The following NBAS variants were observed in gnomAD, a reference collection of about 807,000 sequenced individuals.
NBAS encodes the protein NAG/BC035112 fusion.
In NBAS, 219 loss-of-function variants were observed where a neutral mutation model predicts 302.5. That is an observed-to-expected ratio of 0.72 (90% confidence interval 0.65 to 0.81). The LOEUF (loss-of-function observed/expected upper bound fraction) is 0.81. Among genes scored for constraint, NBAS ranks in the 30% least tolerant of loss-of-function variants. The pLI, the probability that NBAS is intolerant of heterozygous loss-of-function variation, is 0.00. For missense variants in NBAS, 2,932 were observed against 2,841.6 expected (o/e 1.03, Z -0.72); for synonymous variants, 1,118 against 1,021.6 (o/e 1.09, Z -1.80).
intron 26 of NBAS, among the ~76,000 whole-genome samples, chr2:15,401,289 A>C (rs1003419549): frequency 6.6e-6 from 1 of 152,170 alleles, no homozygotes; most frequent in Non-Finnish European, 1.5e-5. Flanking sequence ...CATTTGCTTC[A>C]TAAGAAATAA....
At chr2:15,503,004 T>G (rs1053113984) in intron 11 of NBAS, among the ~76,000 whole-genome samples, 1 of 152,260 alleles carries the variant, frequency 6.6e-6, no homozygotes, top group Admixed American at 6.5e-5. Flanking sequence ...TTTTATTTTA[T>G]GCTTTTACTT....
chr2:14,971,659 C>T, the NBAS span, among the ~76,000 whole-genome samples: 2 of 152,204 alleles, frequency 1.3e-5, no homozygotes, highest in Non-Finnish European at 2.9e-5. Flanking sequence ...TTCTCCCCAT[C>T]ACCAATTTGA....
intron 48 of NBAS, among the ~76,000 whole-genome samples, chr2:15,196,938 T>A (rs1665651865): frequency 6.6e-6 from 1 of 152,258 alleles, no homozygotes; most frequent in South Asian, 2.1e-4. Context: ...AACCATAAAA[T>A]CACTTTATAA....
the NBAS span, among the ~76,000 whole-genome samples, chr2:15,067,448 A>G: frequency 8.4e-3 from 398 of 47,604 alleles, 35 homozygotes; most frequent in East Asian, 0.015. Context: ...AGGAGGGGAG[A>G]GGAGGGGAGA....
the NBAS span, among the ~76,000 whole-genome samples, chr2:14,860,455 A>G: frequency 6.6e-6 from 1 of 152,318 alleles, no homozygotes; most frequent in East Asian, 1.9e-4. Flanking sequence ...TGATAAATGG[A>G]TAAAGAGAAT....
At chr2:15,368,030 A>G (rs1200020149) in intron 31 of NBAS, among the ~76,000 whole-genome samples, 1 of 152,148 alleles carries the variant, frequency 6.6e-6, no homozygotes, top group Non-Finnish European at 1.5e-5. Context: ...ACATATTTAT[A>G]ATACACATAT....
intron 8 of NBAS, among the ~76,000 whole-genome samples, chr2:15,535,270 C>T (rs1257439499): frequency 1.3e-5 from 2 of 152,054 alleles, no homozygotes; most frequent in African/African-American, 4.8e-5. Flanking sequence ...GCCTGTTATC[C>T]CAGCACTTTG....
intron 17 of NBAS, 30 bp downstream of exon 17, chr2:15,468,352 A>G: frequency 6.2e-7 from 1 of 1,613,378 alleles, no homozygotes; most frequent in Non-Finnish European, 8.5e-7. Flanking sequence ...AGTCACCTTT[A>G]CTTTGAATCC....
intron 26 of NBAS, among the ~76,000 whole-genome samples, chr2:15,400,167 A>G (rs1572786842): frequency 6.6e-6 from 1 of 152,130 alleles, no homozygotes; most frequent in African/African-American, 2.4e-5. Flanking sequence ...ACAGACACAG[A>G]GAACAATTCA....
the NBAS span, among the ~76,000 whole-genome samples, chr2:15,035,279 T>C: frequency 1.3e-3 from 203 of 152,298 alleles, no homozygotes; most frequent in South Asian, 7.0e-3. Context: ...CACAATGAGA[T>C]ACCATCTCAA....
At chr2:15,075,222 G>A in the NBAS span, among the ~76,000 whole-genome samples, 1 of 152,164 alleles carries the variant, frequency 6.6e-6, no homozygotes, top group Non-Finnish European at 1.5e-5. Flanking sequence ...TCTTTTAAAT[G>A]ACAATACAAC....
chr2:14,877,713 C>T, the NBAS span, among the ~76,000 whole-genome samples: 1 of 152,116 alleles, frequency 6.6e-6, no homozygotes, highest in South Asian at 2.1e-4. Context: ...TAGAGCCTGA[C>T]TTGAGTGTTA....
chr2:15,314,921 A>G (rs185140290), intron 38 of NBAS, among the ~76,000 whole-genome samples: 1 of 152,358 alleles, frequency 6.6e-6, no homozygotes, highest in East Asian at 1.9e-4. Context: ...TATACAAAAT[A>G]TATGATTGCA....
chr2:15,251,193 A>AAACT, intron 44 of NBAS, among the ~76,000 whole-genome samples: 1 of 152,356 alleles, frequency 6.6e-6, no homozygotes, highest in Admixed American at 6.5e-5. Flanking sequence ...CATTCTCAGC[A>AAACT]AACTAACACA....
chr2:15,374,510 G>A, intron 31 of NBAS, 98 bp downstream of exon 31: 1 of 1,027,638 alleles, frequency 9.7e-7, no homozygotes, highest in Non-Finnish European at 1.5e-6. Flanking sequence ...TGGATTACAT[G>A]ACCAAAGCTA....
At chr2:14,832,178 C>T in the NBAS span, among the ~76,000 whole-genome samples, 13 of 152,278 alleles carry the variant, frequency 8.5e-5, no homozygotes, top group African/African-American at 2.9e-4. Flanking sequence ...ATCACCTGCA[C>T]CCCAGGCTCT....
chr2:14,810,260 G>A, the NBAS span, among the ~76,000 whole-genome samples: 1 of 152,170 alleles, frequency 6.6e-6, no homozygotes, highest in Admixed American at 6.5e-5. Context: ...GGATGATATG[G>A]TTTGGCTGTG....
At chr2:15,008,764 G>A in the NBAS span, among the ~76,000 whole-genome samples, 1 of 152,158 alleles carries the variant, frequency 6.6e-6, no homozygotes, top group South Asian at 2.1e-4. Context: ...TAGCAGGAAA[G>A]CACACACAGC....
intron 48 of NBAS, among the ~76,000 whole-genome samples, chr2:15,205,790 T>G (rs1666112767): frequency 6.6e-6 from 1 of 152,158 alleles, no homozygotes; most frequent in South Asian, 2.1e-4. Context: ...ACCCCCTCTC[T>G]CTCCTGCTGC....
Sources: gnomAD v4.1 joint callset for allele counts (sites outside exome capture counted in the v4.1 genomes callset) on GRCh38, gnomAD v4.1.1 for gene constraint, MANE v1.5 for transcripts, NCBI Gene and HGNC (gene_info 2026-07-23, HGNC 2026-07-21) for gene names.